LRP1B: variants seen among roughly 807,000 people sequenced by gnomAD.
LRP1B encodes the protein LDL receptor related protein 1B.
A neutral mutation model predicts 556.6 loss-of-function variants in LRP1B; 217 were observed. The ratio of observed to expected loss-of-function variants is 0.39; its 90% CI spans 0.35 to 0.44. LRP1B has a LOEUF of 0.44. Among genes scored for constraint, LRP1B ranks in the 20% least tolerant of loss-of-function variants. LRP1B has a pLI of 1.00. For missense variants in LRP1B, 5,053 were observed against 5,620.8 expected, an observed-to-expected ratio of 0.90 and a Z score of 3.23; for synonymous variants, 2,047 against 1,865.8, an observed-to-expected ratio of 1.10 and a Z score of -2.50.
intron 1 of LRP1B, among the ~76,000 whole-genome samples, chr2:142,022,892 G>A (rs958557765): frequency 6.6e-6 from 1 of 152,056 alleles, no homozygotes; most frequent in Admixed American, 6.6e-5. Context: ...GGCCAGGATG[G>A]TCTTAATGTC....
intron 2 of LRP1B, among the ~76,000 whole-genome samples, chr2:141,770,556 TTC>T (rs976180817): frequency 3.3e-5 from 5 of 152,186 alleles, no homozygotes; most frequent in Admixed American, 6.5e-5. Flanking sequence ...TAGAGAAGCG[TTC>T]TCTTTTTTAT....
intron 7 of LRP1B, among the ~76,000 whole-genome samples, chr2:141,082,806 A>G (rs899203128): frequency 6.6e-6 from 1 of 152,194 alleles, no homozygotes; most frequent in African/African-American, 2.4e-5. Context: ...ATGGCTATGA[A>G]TAAAAGCAAT....
chr2:140,839,170 A>G (rs1249122933), intron 31 of LRP1B, among the ~76,000 whole-genome samples: 1 of 152,226 alleles, frequency 6.6e-6, no homozygotes, highest in African/African-American at 2.4e-5. Context: ...CAGATATTTC[A>G]CCAGTGAAAA....
chr2:141,935,278 G>A (rs1384314008), intron 1 of LRP1B, among the ~76,000 whole-genome samples: 1 of 152,030 alleles, frequency 6.6e-6, no homozygotes, highest in African/African-American at 2.4e-5. Context: ...AATAATTTTA[G>A]ACATAAAAAT....
chr2:141,205,989 C>A (rs1041828928), intron 6 of LRP1B, among the ~76,000 whole-genome samples: 1 of 152,038 alleles, frequency 6.6e-6, no homozygotes, highest in Non-Finnish European at 1.5e-5. Flanking sequence ...AGGAGCAAAC[C>A]ATAGACTGGG....
rs527962973 is a variant in LRP1B, at chr2:140,347,994, T to C, written c.11892+2803A>G. Among the ~76,000 whole-genome samples the C allele has an allele frequency of 1.9e-3, 284 of 152,110 alleles. 3 individuals are homozygous for C. Among genetic ancestry groups the C allele is most frequent in the African/African-American group, 6.0e-3 (250 of 41,530 alleles). ...AATTCATAAGATAGAAAATCAATTA[T>C]TAATACATAAGACAGATTTCAGAGG... On this transcript the variant is annotated intron_variant, in intron 77 of 90. Coordinates refer to ENST00000389484, the MANE Select transcript of LRP1B (RefSeq NM_018557.3).
At chr2:141,033,380 C>A (rs1468917939) in intron 11 of LRP1B, among the ~76,000 whole-genome samples, 2 of 151,868 alleles carry the variant, frequency 1.3e-5, no homozygotes, top group Admixed American at 1.3e-4. Flanking sequence ...AGTAGATTAA[C>A]CAGACTAGAT....
chr2:142,095,118 C>T (rs1706312580), intron 1 of LRP1B, among the ~76,000 whole-genome samples: 4 of 145,130 alleles, frequency 2.8e-5, no homozygotes, highest in South Asian at 2.1e-4. Flanking sequence ...AAAATAGGTG[C>T]GATATGCACA....
intron 1 of LRP1B, among the ~76,000 whole-genome samples, chr2:142,108,007 G>A (rs989338612): frequency 5.3e-5 from 8 of 150,324 alleles, no homozygotes; most frequent in African/African-American, 1.7e-4. Context: ...TGTCATATAT[G>A]TTCATAATTT....
At chr2:141,224,853 T>C (rs945376029) in intron 6 of LRP1B, among the ~76,000 whole-genome samples, 1 of 151,916 alleles carries the variant, frequency 6.6e-6, no homozygotes, top group Non-Finnish European at 1.5e-5. Flanking sequence ...TCAGGAGACA[T>C]AGTTAATGAA....
chr2:141,600,242 T>C (rs1472526041), intron 2 of LRP1B, among the ~76,000 whole-genome samples: 1 of 152,116 alleles, frequency 6.6e-6, no homozygotes, highest in African/African-American at 2.4e-5. Flanking sequence ...CTGGAGAGCT[T>C]TTTTTAAAAA....
At chr2:142,105,543 T>C (rs1038883235) in intron 1 of LRP1B, among the ~76,000 whole-genome samples, 3 of 151,366 alleles carry the variant, frequency 2.0e-5, no homozygotes, top group Non-Finnish European at 2.9e-5. Context: ...TTTCTGCTTA[T>C]GGTTGATGAA....
chr2:141,134,939 G>T (rs1245979908), intron 7 of LRP1B, among the ~76,000 whole-genome samples: 2 of 151,462 alleles, frequency 1.3e-5, no homozygotes, highest in Non-Finnish European at 2.9e-5. Flanking sequence ...ATATATATTT[G>T]CCCCTGTAGT....
At chr2:142,048,709 T>C (rs182216291) in intron 1 of LRP1B, among the ~76,000 whole-genome samples, 30 of 152,134 alleles carry the variant, frequency 2.0e-4, no homozygotes. Flanking sequence ...TTTTATAACA[T>C]TCTTCATTTC....
chr2:141,950,455 G>A (rs1018791603), intron 1 of LRP1B, among the ~76,000 whole-genome samples: 1 of 152,210 alleles, frequency 6.6e-6, no homozygotes, highest in East Asian at 1.9e-4. Context: ...TACTAGCTAA[G>A]GAAGGTATGA....
At chr2:141,987,549 G>GTTTTTTTTTTTTTTTTTTTTTTTTTTT (rs5834887) in intron 1 of LRP1B, among the ~76,000 whole-genome samples, 2 of 139,982 alleles carry the variant, frequency 1.4e-5, no homozygotes, top group Non-Finnish European at 3.1e-5. Context: ...GATTTAAGCT[G>GTTTTTTTTTTTTTTTTTTTTTTTTTTT]TTTTTTTTTT....
chr2:140,467,088 T>A (rs1687577102), intron 60 of LRP1B, among the ~76,000 whole-genome samples: 1 of 151,622 alleles, frequency 6.6e-6, no homozygotes, highest in Non-Finnish European at 1.5e-5. Flanking sequence ...TCAGGAGATA[T>A]TTTTTGTTAA....
At chr2:141,017,999 T>TA (rs201347962) in intron 12 of LRP1B, among the ~76,000 whole-genome samples, 1,782 of 117,000 alleles carry the variant, frequency 0.015, 29 homozygotes, top group African/African-American at 0.042. Context: ...AGATCCTGTC[T>TA]AAAAAAAAAA....
chr2:141,947,320 C>T (rs1473867277), intron 1 of LRP1B, among the ~76,000 whole-genome samples: 1 of 151,772 alleles, frequency 6.6e-6, no homozygotes, highest in African/African-American at 2.4e-5. Context: ...GCCTGTAGTC[C>T]CAGCTACTCG....
Sources: allele counts gnomAD v4.1 joint callset (sites outside exome capture counted in the v4.1 genomes callset), GRCh38; gene constraint gnomAD v4.1.1; transcripts MANE v1.5; gene names NCBI Gene and HGNC (gene_info 2026-07-23, HGNC 2026-07-21).